NIPSNAP2: variants seen among roughly 807,000 people sequenced by gnomAD.
The protein encoded by NIPSNAP2 is protein NipSnap homolog 2.
A neutral mutation model predicts 48.4 loss-of-function variants in NIPSNAP2; 42 were observed. The ratio of observed to expected loss-of-function variants is 0.87; its 90% CI spans 0.68 to 1.12. The LOEUF is 1.12. Ranked by LOEUF, NIPSNAP2 falls within the 50% of genes most tolerant of loss-of-function variation. The pLI is 0.00. For missense variants in NIPSNAP2, 314 were observed against 347.3 expected, an observed-to-expected ratio of 0.90 and a Z score of 0.76; for synonymous variants, 158 against 126.6, an observed-to-expected ratio of 1.25 and a Z score of -1.67.
intron 8 of NIPSNAP2, among the ~76,000 whole-genome samples, chr7:55,995,972 C>G (rs1029924649): frequency 2.0e-5 from 3 of 151,946 alleles, no homozygotes; most frequent in Admixed American, 6.6e-5. Flanking sequence ...GAGCAAGACC[C>G]TGTCTCAAAA....
intron 7 of NIPSNAP2, among the ~76,000 whole-genome samples, chr7:55,991,301 C>G (rs1265716878): frequency 6.6e-6 from 1 of 152,108 alleles, no homozygotes; most frequent in Admixed American, 6.6e-5. Flanking sequence ...CTATTATATA[C>G]AATTTTTGTT....
intron 1 of NIPSNAP2, among the ~76,000 whole-genome samples, chr7:55,966,270 GAC>G (rs1378775974): frequency 6.6e-6 from 1 of 152,134 alleles, no homozygotes; most frequent in Non-Finnish European, 1.5e-5. Context: ...AATGTTAATA[GAC>G]ACATGGATTT....
intron 7 of NIPSNAP2, among the ~76,000 whole-genome samples, chr7:55,991,406 G>A (rs1787441013): frequency 1.3e-5 from 2 of 151,960 alleles, no homozygotes; most frequent in Admixed American, 6.6e-5. Flanking sequence ...ATCAAGACTC[G>A]CTCGCCGTGG....
chr7:55,995,398 T>C (rs538600561), intron 8 of NIPSNAP2, among the ~76,000 whole-genome samples: 1 of 152,154 alleles, frequency 6.6e-6, no homozygotes, highest in Non-Finnish European at 1.5e-5. Flanking sequence ...GTAGACGTGG[T>C]TCCACTGTCT....
intron 1 of NIPSNAP2, among the ~76,000 whole-genome samples, chr7:55,972,825 G>C (rs1276140928): frequency 1.3e-5 from 2 of 152,142 alleles, no homozygotes; most frequent in Non-Finnish European, 2.9e-5. Context: ...GAATATGGCT[G>C]GGTGTGGTGG....
Position 55,978,385 on chromosome 7 carries a change from A to T in NIPSNAP2, c.268A>T (p.Asn90Tyr). ...TAAACCGGAATGCCTAGAAGCATACAACAAAATTTGGTGTGTATACCAAAC... is the reference window on the plus strand; with the variant it reads ...TAAACCGGAATGCCTAGAAGCATACTACAAAATTTGGTGTGTATACCAAAC... ...NVKPECLEAY[N>Y]KICQEVLPKI... Residue 90 changes from asparagine to tyrosine, a missense_variant, in exon 3 of 10, where the codon AAC becomes TAC. By Grantham distance (143) the Asn-to-Tyr change is moderately radical. Transcript: ENST00000322090. The T allele has an allele frequency of 6.2e-7, 1 of 1,611,788 alleles. No individual in the cohort carries two copies. The highest frequency in any genetic ancestry group is 8.5e-7 in the Non-Finnish European group (1 of 1,179,188).
chr7:55,991,759 A>ATATATATATATATATAT (rs1270864932), intron 7 of NIPSNAP2: 4 of 126,572 alleles, frequency 3.2e-5, no homozygotes, highest in Non-Finnish European at 6.9e-5. Flanking sequence ...AAAAAAAAAA[A>ATATATATATATATATAT]AAAAAAATAT....
intron 8 of NIPSNAP2, among the ~76,000 whole-genome samples, chr7:55,996,765 C>T (rs1048053082): frequency 3.3e-5 from 5 of 152,182 alleles, no homozygotes; most frequent in African/African-American, 4.8e-5. Context: ...TGGTGGCTCA[C>T]GCCTCGATTC....
chr7:55,966,642 C>A (rs140007955), intron 1 of NIPSNAP2, among the ~76,000 whole-genome samples: 1 of 152,036 alleles, frequency 6.6e-6, no homozygotes, highest in African/African-American at 2.4e-5. Flanking sequence ...ATTAGCCCGG[C>A]ATGGTGGCAC....
chr7:55,988,657 G>A (rs1787380739), intron 7 of NIPSNAP2, among the ~76,000 whole-genome samples: 1 of 152,008 alleles, frequency 6.6e-6, no homozygotes, highest in Non-Finnish European at 1.5e-5. Flanking sequence ...TCAAGAATTC[G>A]AGACCGACCT....
chr7:55,964,849 T>A, intron 1 of NIPSNAP2, 148 bp downstream of exon 1: 2 of 246,516 alleles, frequency 8.1e-6, no homozygotes, highest in Non-Finnish European at 1.4e-5. Flanking sequence ...GGAGCTGGGG[T>A]GGGGCCGGAG....
chr7:55,992,976 T>A (rs566352016), intron 7 of NIPSNAP2, among the ~76,000 whole-genome samples: 2 of 151,264 alleles, frequency 1.3e-5, no homozygotes, highest in South Asian at 2.1e-4. Context: ...CACTAAATAT[T>A]TTTTTTTTAA....
At chr7:55,995,650 G>C (rs971658062) in intron 8 of NIPSNAP2, among the ~76,000 whole-genome samples, 2 of 152,184 alleles carry the variant, frequency 1.3e-5, no homozygotes, top group Non-Finnish European at 2.9e-5. Flanking sequence ...ATGGAGGAAG[G>C]TTCCATCCCT....
chr7:55,965,302 T>A (rs1475658727), intron 1 of NIPSNAP2: 2 of 152,026 alleles, frequency 1.3e-5, no homozygotes, highest in Non-Finnish European at 2.9e-5. Flanking sequence ...TACTTAGAGT[T>A]ATCAGCACTA....
At chr7:55,975,479 A>G (rs1787091284) in intron 1 of NIPSNAP2, among the ~76,000 whole-genome samples, 1 of 152,182 alleles carries the variant, frequency 6.6e-6, no homozygotes, top group Non-Finnish European at 1.5e-5. Context: ...ACCCTTCTGT[A>G]TGATTCCATA....
intron 9 of NIPSNAP2, 75 bp from the exon 10 acceptor site, chr7:55,998,933 A>C (rs1373891597): frequency 1.7e-6 from 2 of 1,208,646 alleles, no homozygotes; most frequent in African/African-American, 3.0e-5. Context: ...CATTCTCGGC[A>C]ATCTGTCTGT....
At chr7:55,998,925 T>G in intron 9 of NIPSNAP2, 83 bp from the exon 10 acceptor site, 1 of 1,142,074 alleles carries the variant, frequency 8.8e-7, no homozygotes. Context: ...TCTGTGAACA[T>G]TCTCGGCAAT....
chr7:55,997,549 C>T, intron 9 of NIPSNAP2, 100 bp downstream of exon 9: 2 of 880,762 alleles, frequency 2.3e-6, no homozygotes, highest in Admixed American at 3.8e-5. Context: ...TAGTATGTTG[C>T]TAGGATAGTG....
At chr7:55,994,684 G>A (rs1348681627) in intron 7 of NIPSNAP2, among the ~76,000 whole-genome samples, 3 of 152,206 alleles carry the variant, frequency 2.0e-5, no homozygotes, top group Non-Finnish European at 4.4e-5. Flanking sequence ...CTGCACTCCA[G>A]CCTGGGTGAC....
Sources: allele counts gnomAD v4.1 joint callset (sites outside exome capture counted in the v4.1 genomes callset), GRCh38; gene constraint gnomAD v4.1.1; transcripts MANE v1.5; gene names NCBI Gene and HGNC (gene_info 2026-07-23, HGNC 2026-07-21).